Variants in ERC1 observed in about 807,000 individuals in gnomAD.
The protein encoded by ERC1 is ELKS/RAB6-interacting/CAST family member 1.
In ERC1, 56 loss-of-function variants were observed where a neutral mutation model predicts 132.0. That is an observed-to-expected ratio of 0.42 (90% CI 0.34 to 0.53). The LOEUF (loss-of-function observed/expected upper bound fraction) is 0.53, where lower values mean the gene tolerates loss of function less well. Among genes scored for constraint, ERC1 ranks in the 20% least tolerant of loss-of-function variants. ERC1 has a pLI of 0.03. For synonymous variants in ERC1, 478 were observed against 476.1 expected (o/e 1.00, Z -0.05); for missense variants, 1,202 against 1,349.9 (o/e 0.89, Z 1.72).
At chr12:1,485,867 G>C (rs943681177) in intron 18 of ERC1, among the ~76,000 whole-genome samples, 2 of 152,122 alleles carry the variant, frequency 1.3e-5, no homozygotes, top group Non-Finnish European at 1.5e-5. Flanking sequence ...CCCATCCCAA[G>C]ATTATAAAAA....
chr12:1,247,200 G>T (rs1049944742), intron 13 of ERC1, among the ~76,000 whole-genome samples: 3 of 151,872 alleles, frequency 2.0e-5, no homozygotes, highest in African/African-American at 7.3e-5. Context: ...CTGCGCTTCA[G>T]CCTGCAAGAC....
At chr12:1,064,820 C>G (rs983019955) in intron 2 of ERC1, among the ~76,000 whole-genome samples, 3 of 152,180 alleles carry the variant, frequency 2.0e-5, no homozygotes, top group Non-Finnish European at 4.4e-5. Context: ...ATGCCTGTAT[C>G]TCTGCTGAGA....
intron 13 of ERC1, among the ~76,000 whole-genome samples, chr12:1,255,627 T>G (rs1252718480): frequency 4.1e-5 from 5 of 120,510 alleles, no homozygotes; most frequent in African/African-American, 1.3e-4. Context: ...TGGCCTTTTT[T>G]TTTTTTTTTT....
At chr12:1,240,591 T>C (rs2075727598) in intron 13 of ERC1, among the ~76,000 whole-genome samples, 1 of 152,204 alleles carries the variant, frequency 6.6e-6, no homozygotes, top group Non-Finnish European at 1.5e-5. Context: ...TTCCCTTTAC[T>C]TGAGAAATAT....
At chr12:1,484,881 T>A (rs2094177814) in intron 18 of ERC1, among the ~76,000 whole-genome samples, 3 of 121,584 alleles carry the variant, frequency 2.5e-5, no homozygotes, top group Admixed American at 2.2e-4. Flanking sequence ...CCGTGCTGGG[T>A]CTTGTTTTTC....
At chr12:1,336,100 G>T (rs1388717637) in intron 15 of ERC1, among the ~76,000 whole-genome samples, 1 of 151,954 alleles carries the variant, frequency 6.6e-6, no homozygotes, top group African/African-American at 2.4e-5. Context: ...TGTGGGTTCG[G>T]TAATAATATC....
chr12:1,097,388 G>A (rs548571078), intron 3 of ERC1, among the ~76,000 whole-genome samples: 1 of 152,136 alleles, frequency 6.6e-6, no homozygotes, highest in Admixed American at 6.5e-5. Flanking sequence ...ACTCTGTTAG[G>A]CCTGGTTTAG....
At chr12:1,277,777 T>C (rs145047526) in intron 14 of ERC1, among the ~76,000 whole-genome samples, 93 of 152,336 alleles carry the variant, frequency 6.1e-4, no homozygotes, top group African/African-American at 2.1e-3. Flanking sequence ...TAGATACTGT[T>C]GTTCAAAGAT....
intron 17 of ERC1, among the ~76,000 whole-genome samples, chr12:1,410,136 A>T (rs955810217): frequency 7.2e-5 from 11 of 151,808 alleles, no homozygotes; most frequent in South Asian, 2.1e-4. Context: ...TTATTGATTT[A>T]TATATATATA....
intron 13 of ERC1, among the ~76,000 whole-genome samples, chr12:1,255,684 G>A (rs1273843233): frequency 7.5e-6 from 1 of 132,668 alleles, no homozygotes; most frequent in East Asian, 2.3e-4. Context: ...CCAGGCTGGA[G>A]TGCAGTGGCG....
At chr12:1,043,922 A>T (rs1166127190) in intron 2 of ERC1, among the ~76,000 whole-genome samples, 1 of 152,232 alleles carries the variant, frequency 6.6e-6, no homozygotes. Context: ...ATGTTAACAT[A>T]CATACTATTT....
At chr12:1,249,449 TG>T (rs1390995224) in intron 13 of ERC1, among the ~76,000 whole-genome samples, 1 of 152,224 alleles carries the variant, frequency 6.6e-6, no homozygotes, top group Non-Finnish European at 1.5e-5. Context: ...TCCTCGCAGT[TG>T]GAATTAATCA....
intron 12 of ERC1, among the ~76,000 whole-genome samples, chr12:1,224,607 G>C (rs1340702887): frequency 6.6e-6 from 1 of 151,648 alleles, no homozygotes. Context: ...TCTCTTTTTA[G>C]AAACAACTTT....
At chr12:1,020,299 A>T (rs1284604570) in intron 1 of ERC1, among the ~76,000 whole-genome samples, 1 of 152,150 alleles carries the variant, frequency 6.6e-6, no homozygotes, top group African/African-American at 2.4e-5. Flanking sequence ...TCTACTAAAA[A>T]TACAGAAATT....
chr12:1,210,684 C>A (rs938506020), intron 12 of ERC1, among the ~76,000 whole-genome samples: 28 of 152,210 alleles, frequency 1.8e-4, no homozygotes, highest in Admixed American at 1.6e-3. Flanking sequence ...TCAATGGCTA[C>A]AAAAGACAGT....
intron 2 of ERC1, among the ~76,000 whole-genome samples, chr12:1,061,992 T>TA (rs1167103696): frequency 9.3e-5 from 13 of 140,498 alleles, no homozygotes; most frequent in African/African-American, 3.2e-4. Flanking sequence ...TTTTCTTCTT[T>TA]TTTTTTTTTT....
intron 15 of ERC1, among the ~76,000 whole-genome samples, chr12:1,344,546 T>C (rs2084251140): frequency 6.6e-6 from 1 of 152,160 alleles, no homozygotes; most frequent in African/African-American, 2.4e-5. Flanking sequence ...GCCACACAAA[T>C]CTTGGGAACT....
chr12:1,369,563 C>CCT (rs1425283516), intron 15 of ERC1, among the ~76,000 whole-genome samples: 7 of 152,186 alleles, frequency 4.6e-5, no homozygotes, highest in Non-Finnish European at 7.3e-5. Context: ...AAGCATGCTG[C>CCT]CTCTTCCAGC....
chr12:1,352,210 G>A (rs530671753), intron 15 of ERC1, among the ~76,000 whole-genome samples: 2 of 152,262 alleles, frequency 1.3e-5, no homozygotes, highest in South Asian at 2.1e-4. Context: ...TCTCAGGATA[G>A]CATTTCAAGA....
Sources: allele counts gnomAD v4.1 joint callset (sites outside exome capture counted in the v4.1 genomes callset), GRCh38; gene constraint gnomAD v4.1.1; transcripts MANE v1.5; gene names NCBI Gene and HGNC (gene_info 2026-07-23, HGNC 2026-07-21).